RNF25: variants seen among roughly 807,000 people sequenced by gnomAD.
The protein encoded by RNF25 is ring finger protein 25, also known as E3 ubiquitin-protein ligase RNF25.
RNF25 carries 32 observed loss-of-function variants against 65.0 expected under a neutral mutation model. The observed-to-expected ratio is 0.49, with a 90% CI of 0.37 to 0.66. The LOEUF (loss-of-function observed/expected upper bound fraction) is 0.66. Among genes scored for constraint, RNF25 ranks in the 30% least tolerant of loss-of-function variants. The pLI is 0.00. For synonymous variants in RNF25, 207 were observed against 221.2 expected, an observed-to-expected ratio of 0.94 and a Z score of 0.57; for missense variants, 493 against 584.8, an observed-to-expected ratio of 0.84 and a Z score of 1.62.
intron 2 of RNF25, 83 bp downstream of exon 2, chr2:218,668,522 A>T: frequency 9.2e-7 from 1 of 1,087,206 alleles, no homozygotes; most frequent in Non-Finnish European, 1.4e-6. Flanking sequence ...ATCAAGGCTC[A>T]CAATGTCTTA....
chr2:218,667,452 G>C (rs1310793361), intron 5 of RNF25, among the ~76,000 whole-genome samples: 1 of 151,330 alleles, frequency 6.6e-6, no homozygotes, highest in Non-Finnish European at 1.5e-5. Flanking sequence ...CCGGGTTCAA[G>C]CGATTCTCCT....
intron 1 of RNF25, among the ~76,000 whole-genome samples, chr2:218,671,574 T>C (rs1490251877): frequency 6.6e-6 from 1 of 152,078 alleles, no homozygotes; most frequent in African/African-American, 2.4e-5. Context: ...GCACTGGTTC[T>C]GAGAGGAGAA....
At position 218,664,273 on chromosome 2, in the gene RNF25, G is replaced by C. The variant is rs146227317; in HGVS notation, c.1064C>G (p.Pro355Arg). The change falls in exon 10 of 10, where the codon CCA becomes CGA. Residue 355 changes from proline (P) to arginine (R), a missense_variant. Physicochemically the swap from Pro to Arg is moderately radical, Grantham distance 103 (BLOSUM62 -2). Coordinates refer to ENST00000295704, the MANE Select transcript of RNF25 (RefSeq NM_022453.3). This position sits in a 1 kb window ranked among gnomAD's most constrained non-coding sequence, Gnocchi z 5.1. ...AGGGGCGTGGCACTCCCCTCCCTTT[G>C]GGTGCCTCCGTTCGGGCTGTCGCCA... is the stretch of plus-strand genomic sequence containing the variant. ...GPWRQPERRHPKGGECHAPKG... is the reference protein window; with the variant it reads ...GPWRQPERRHRKGGECHAPKG... 31 of 1,607,798 alleles carry C rather than the reference G, an allele frequency of 1.9e-5. No homozygotes were observed. In the African/African-American group the frequency reaches 2.9e-4, roughly 15 times the overall value.
In RNF25 at chr2:218,670,200, T is replaced by TAAA. The variant is rs71403058; in HGVS notation, c.42-1524_42-1522dup. On this transcript the variant is annotated intron_variant, in intron 1 of 9. Coordinates refer to ENST00000295704, the MANE Select transcript of RNF25 (RefSeq NM_022453.3). ...GGTGACAAAGTAAGACTCTGTCTCTTAAAAAAAAAAAAAAAAAAGAAGTTT... is the reference window on the plus strand; with the variant it reads ...GGTGACAAAGTAAGACTCTGTCTCTTAAAAAAAAAAAAAAAAAAAAAGAAGTTT... Among the ~76,000 whole-genome samples, 143 of 120,682 alleles carry TAAA rather than the reference T, an allele frequency of 1.2e-3. 1 individual carries two copies. The highest frequency in any genetic ancestry group is 3.8e-3 in the African/African-American group (125 of 32,914). The allele number at this position is 120,682 out of a possible 152,430, so 79.2% of individuals were successfully genotyped here. A position where few individuals can be genotyped will look rare whatever the true frequency, so the allele number is the denominator to read the frequency against.
intron 1 of RNF25, among the ~76,000 whole-genome samples, chr2:218,670,736 A>G (rs1217669233): frequency 6.7e-6 from 1 of 149,276 alleles, no homozygotes; most frequent in Non-Finnish European, 1.5e-5. Context: ...GGGAGTGGGG[A>G]CTGAAGAATG....
chr2:218,667,916 A>G lies in RNF25; in HGVS notation c.353T>C (p.Ile118Thr), dbSNP rs755891812. ...GLGTAMLYEL[I>T]EKGKEILTDN... Reference sequence around the variant, plus strand: ...TCAGACTAGCGCACCTCTTACCTCAATGAGTTCATACAGCATGGCAGTGCC... The same window carrying G: ...TCAGACTAGCGCACCTCTTACCTCAGTGAGTTCATACAGCATGGCAGTGCC... Residue 118 changes from isoleucine to threonine, a missense_variant, in exon 5 of 10, where the codon ATT becomes ACT. Coordinates refer to ENST00000295704, the MANE Select transcript of RNF25 (RefSeq NM_022453.3). 2 of 1,613,952 alleles carry G rather than the reference A, an allele frequency of 1.2e-6. No individual in the cohort carries two copies. The highest frequency in any genetic ancestry group is 2.2e-5 in the South Asian group (2 of 91,072).
chr2:218,665,849 A>G, intron 7 of RNF25, 67 bp downstream of exon 7: 1 of 1,554,294 alleles, frequency 6.4e-7, no homozygotes, highest in Non-Finnish European at 8.7e-7. Flanking sequence ...GAGTGGAGAG[A>G]TGGAAAAGTT....
chr2:218,665,041 C>A, intron 8 of RNF25, 114 bp downstream of exon 8: 1 of 1,430,352 alleles, frequency 7.0e-7, no homozygotes, highest in Non-Finnish European at 9.7e-7. Flanking sequence ...CAGAGAGGTC[C>A]TAGGCAGTTC....
In RNF25 at chr2:218,664,956, G is replaced by C; in HGVS notation, c.667-83C>G. 6.4e-7 allele frequency: 1 copy of C among 1,569,034 alleles called. No individual in the cohort carries two copies. The highest frequency in any genetic ancestry group is 1.8e-5 in the Admixed American group (1 of 54,734). ...CTACTCCTCCCAGGCTGCCTCAGGA[G>C]ATCTGCACTGGTTTTGCCCCTCAGG... On this transcript the variant is annotated intron_variant, in intron 8 of 9. Transcript: ENST00000295704. This position sits in a 1 kb window ranked among gnomAD's most constrained non-coding sequence, Gnocchi z 5.1.
rs1321065414 is a variant in RNF25, at chr2:218,666,189, G to C, written c.399C>G (p.Gly133=). The C allele has an allele frequency of 6.2e-7, 1 of 1,614,048 alleles. No individual in the cohort carries two copies. The highest frequency in any genetic ancestry group is 2.2e-5 in the East Asian group (1 of 44,878). ...EILTDNNIPH[G]QCVICLYGFQ... is the part of the protein sequence containing the mutation. ...AACCATAGAGGCAGATGACACACTG[G>C]CCATGAGGGATGTTGTTATCTGTGA... The change falls in exon 6 of 10, where the codon GGC becomes GGG. Residue 133 remains glycine (G), a synonymous_variant. Coordinates refer to ENST00000295704, the MANE Select transcript of RNF25 (RefSeq NM_022453.3).
chr2:218,666,944 G>A (rs1939836150), intron 5 of RNF25, among the ~76,000 whole-genome samples: 1 of 152,154 alleles, frequency 6.6e-6, no homozygotes. Context: ...TGAGGCAGGT[G>A]GATAACCTGA....
At position 218,663,924 on chromosome 2, in the gene RNF25, T is replaced by A; in HGVS notation, c.*33A>T. The A allele has an allele frequency of 7.1e-7, 1 of 1,402,712 alleles. No individual in the cohort carries two copies. Among genetic ancestry groups the A allele is most frequent in the East Asian group, 2.5e-5 (1 of 40,682 alleles). The allele number at this position is 1,402,712 out of a possible 1,614,324, so 86.9% of individuals were successfully genotyped here. A position where few individuals can be genotyped will look rare whatever the true frequency, so the allele number is the denominator to read the frequency against. On this transcript the variant is annotated 3_prime_UTR_variant, in exon 10 of 10. Coordinates refer to ENST00000295704, the MANE Select transcript of RNF25 (RefSeq NM_022453.3). ...AAATATCTTTATTGCCTCCCTCCCA[T>A]CCCCAATTCCCTGTTCCCCCCACCA...
In RNF25 at chr2:218,663,916, C is replaced by G. The variant is rs1434104455; in HGVS notation, c.*41G>C. 1 of 1,386,792 alleles carries G rather than the reference C, an allele frequency of 7.2e-7. No individual in the cohort carries two copies. Among genetic ancestry groups the G allele is most frequent in the African/African-American group, 1.4e-5 (1 of 69,080 alleles). 85.9% of individuals were successfully genotyped at this position (1,386,792 alleles called of 1,614,324 possible). On this transcript the variant is annotated 3_prime_UTR_variant, in exon 10 of 10. Coordinates refer to ENST00000295704, the MANE Select transcript of RNF25 (RefSeq NM_022453.3). ...AGAAGGCCAAATATCTTTATTGCCT[C>G]CCTCCCATCCCCAATTCCCTGTTCC...
Position 218,666,022 on chromosome 2 carries a change from T to C in RNF25, c.467A>G (p.Tyr156Cys). 6.2e-7 allele frequency: 1 copy of C among 1,614,062 alleles called. No individual in the cohort carries two copies. Residue 156 changes from tyrosine to cysteine, a missense_variant, in exon 7 of 10, where the codon TAC (tyrosine) becomes TGC (cysteine). By Grantham distance (194) the Tyr-to-Cys change is radical (BLOSUM62 -2). Coordinates refer to ENST00000295704, the MANE Select transcript of RNF25 (RefSeq NM_022453.3). ...EAFTKTPCYH[Y>C]FHCHCLARYI... is the part of the protein sequence containing the mutation. ...CCGAGCAAGGCAGTGGCAGTGGAAG[T>C]AGTGGTAACAGGGTGTTTTGGTAAA...
chr2:218,667,810 T>A (rs1195724120), intron 5 of RNF25, 102 bp downstream of exon 5: 1 of 1,091,384 alleles, frequency 9.2e-7, no homozygotes, highest in African/African-American at 1.6e-5. Flanking sequence ...ACCTAATGAC[T>A]CCAGATCCGT....
intron 6 of RNF25, 24 bp from the exon 7 acceptor site, chr2:218,666,083 C>A: frequency 6.2e-7 from 1 of 1,612,706 alleles, no homozygotes; most frequent in Non-Finnish European, 8.5e-7. Context: ...AGATGTAGGG[C>A]ACTAAGTCAG....
Position 218,665,206 on chromosome 2 carries a change from G to A in RNF25, c.615C>T (p.Leu205=), listed in dbSNP as rs144901881. 182 of 1,614,036 alleles carry A rather than the reference G, an allele frequency of 1.1e-4. No individual in the cohort carries two copies. The highest frequency in any genetic ancestry group is 1.3e-4 in the Non-Finnish European group (154 of 1,180,036). ...GVQCPVCREP[L]VYDLASLKAA... ...CTTTCAGTGAGGCAAGATCATACAC[G>A]AGGGGCTCTCTGCACACTGGACACT... The change falls in exon 8 of 10, where the codon CTC becomes CTT. Residue 205 remains leucine, a synonymous_variant. Transcript: ENST00000295704.
chr2:218,666,155 C>T lies in RNF25; in HGVS notation c.429+4G>A. 1 of 1,613,788 alleles carries T rather than the reference C, an allele frequency of 6.2e-7. No individual in the cohort carries two copies. Among genetic ancestry groups the T allele is most frequent in the Non-Finnish European group, 8.5e-7 (1 of 1,179,714 alleles). On this transcript the variant is annotated splice_donor_region_variant and intron_variant, in intron 6 of 9. Transcript: ENST00000295704. ...GAATGCCAGGTCCCAAGAGAGAAACCCACCTGGAAACCATAGAGGCAGATG... is the reference window on the plus strand; with the variant it reads ...GAATGCCAGGTCCCAAGAGAGAAACTCACCTGGAAACCATAGAGGCAGATG...
rs539665654 is a variant in RNF25, at chr2:218,666,169, T to C, written c.419A>G (p.Tyr140Cys). ...AAGAGAGAAACCCACCTGGAAACCATAGAGGCAGATGACACACTGGCCATG... is the reference window on the plus strand; with the variant it reads ...AAGAGAGAAACCCACCTGGAAACCACAGAGGCAGATGACACACTGGCCATG... Reference protein sequence around the residue: ...IPHGQCVICLYGFQEKEAFTK... With the variant: ...IPHGQCVICLCGFQEKEAFTK... Residue 140 changes from tyrosine (Y) to cysteine (C), a missense_variant, in exon 6 of 10, where the codon TAT becomes TGT. Physicochemically the swap from Tyr to Cys is radical, Grantham distance 194 (BLOSUM62 -2). Around this residue, in one of 3 missense-constraint regions of RNF25, gnomAD observed 108 missense variants for 166.0 expected, o/e 0.65. Transcript: ENST00000295704. The C allele has an allele frequency of 7.4e-6, 12 of 1,613,906 alleles. No homozygotes were observed. In the East Asian group the frequency reaches 1.3e-4, roughly 18 times the overall value.
Sources: gnomAD v4.1 joint callset for allele counts (sites outside exome capture counted in the v4.1 genomes callset) on GRCh38, gnomAD v4.1.1 for gene constraint, gnomAD v4.1.1 regional missense constraint, Gnocchi (gnomAD v3.1) non-coding constraint, MANE v1.5 for transcripts, NCBI Gene and HGNC (gene_info 2026-07-23, HGNC 2026-07-21) for gene names.